NCOR1: variants seen among roughly 807,000 people sequenced by gnomAD.
NCOR1 encodes the protein nuclear receptor corepressor 1.
A neutral mutation model predicts 288.1 loss-of-function variants in NCOR1; 63 were observed. The ratio of observed to expected loss-of-function variants is 0.22; its 90% CI spans 0.18 to 0.27. The LOEUF (loss-of-function observed/expected upper bound fraction) is 0.27. Among genes scored for constraint, NCOR1 ranks in the 10% least tolerant of loss-of-function variants. The probability of loss-of-function intolerance (pLI) is 1.00; values close to 1 mark genes in which losing one functional copy is unlikely to be tolerated. For missense variants in NCOR1, 2,397 were observed against 3,019.2 expected, an observed-to-expected ratio of 0.79 and a Z score of 4.83; for synonymous variants, 1,007 against 1,065.9, an observed-to-expected ratio of 0.94 and a Z score of 1.08.
rs375656232 is a variant in NCOR1 at position 16,073,516 on chromosome 17, T to C, written c.3724A>G (p.Ser1242Gly). Reference protein sequence around the residue: ...TRSPRTAHEISLKRSYESVEG... With the variant: ...TRSPRTAHEIGLKRSYESVEG... ...ACTGATTCATAGCTTCTCTTTAAAC[T>C]GATTTCATGAGCTGTTCTTGGACTC... is the stretch of plus-strand genomic sequence containing the variant. The change falls in exon 28 of 46, where the codon AGT (serine) becomes GGT (glycine). Residue 1242 changes from serine (S) to glycine (G), a missense_variant. Ser to Gly is a moderately conservative substitution (Grantham distance 56, BLOSUM62 0). Transcript: ENST00000268712. The C allele has an allele frequency of 2.4e-5, 39 of 1,612,132 alleles. No individual in the cohort carries two copies. Among genetic ancestry groups the C allele is most frequent in the Non-Finnish European group, 2.5e-6 (3 of 1,179,128 alleles).
intron 2 of NCOR1, among the ~76,000 whole-genome samples, chr17:16,187,350 C>A (rs2086877492): frequency 2.0e-5 from 3 of 151,830 alleles, no homozygotes; most frequent in African/African-American, 7.2e-5. Context: ...AAACCACACA[C>A]AAAACCTAGT....
intron 22 of NCOR1, chr17:16,087,181 C>A (rs1567925067): frequency 7.7e-7 from 1 of 1,303,852 alleles, no homozygotes; most frequent in African/African-American, 1.5e-5. Context: ...CCTGGCGGGA[C>A]ACTATAGCGG....
intron 17 of NCOR1, among the ~76,000 whole-genome samples, chr17:16,118,272 C>T (rs1007865252): frequency 1.3e-5 from 2 of 152,152 alleles, no homozygotes; most frequent in African/African-American, 4.8e-5. Flanking sequence ...AAACCTTGTC[C>T]TTCCTATGTA....
At chr17:16,070,734 T>C (rs1445417691) in intron 30 of NCOR1, among the ~76,000 whole-genome samples, 1 of 152,110 alleles carries the variant, frequency 6.6e-6, no homozygotes, top group East Asian at 1.9e-4. Context: ...AACCTGATGA[T>C]AAGAAGTACA....
intron 1 of NCOR1, among the ~76,000 whole-genome samples, chr17:16,205,937 C>CAAA (rs199837579): frequency 1.5e-5 from 1 of 67,776 alleles, no homozygotes. Flanking sequence ...TACTCCGTCT[C>CAAA]AAAAAAAAAA....
intron 17 of NCOR1, 82 bp downstream of exon 17, chr17:16,119,341 A>G (rs2072492081): frequency 2.0e-6 from 2 of 1,016,732 alleles, no homozygotes; most frequent in Non-Finnish European, 3.0e-6. Context: ...TCCAATTAAA[A>G]CAATTAGTTC....
intron 11 of NCOR1, 122 bp downstream of exon 11, chr17:16,143,484 C>G: frequency 1.5e-6 from 1 of 668,818 alleles, no homozygotes; most frequent in Non-Finnish European, 2.5e-6. Flanking sequence ...AAATCTTTGA[C>G]AGTCTAAACT....
chr17:16,155,275 C>A (rs916228665), intron 6 of NCOR1, among the ~76,000 whole-genome samples: 4 of 150,466 alleles, frequency 2.7e-5, no homozygotes, highest in South Asian at 4.2e-4. Context: ...CACTTGAACC[C>A]GGGAGGTGGA....
At chr17:16,078,704 T>C (rs1432078533) in intron 26 of NCOR1, among the ~76,000 whole-genome samples, 2 of 151,958 alleles carry the variant, frequency 1.3e-5, no homozygotes, top group Non-Finnish European at 2.9e-5. Flanking sequence ...GCCTCCTGAG[T>C]AGCTGGGATT....
chr17:16,202,138 C>T (rs572327785), intron 1 of NCOR1, among the ~76,000 whole-genome samples: 86 of 151,160 alleles, frequency 5.7e-4, no homozygotes, highest in South Asian at 1.7e-3. Context: ...GCAGGAGAAT[C>T]GCTTGAACCC....
intron 1 of NCOR1, among the ~76,000 whole-genome samples, chr17:16,202,635 C>G (rs935109229): frequency 2.6e-5 from 4 of 152,094 alleles, no homozygotes; most frequent in African/African-American, 7.2e-5. Flanking sequence ...TTGGTGTGTG[C>G]GTGAGCTCAC....
intron 22 of NCOR1, 91 bp downstream of exon 22, chr17:16,091,772 G>A: frequency 6.3e-7 from 1 of 1,587,194 alleles, no homozygotes; most frequent in Non-Finnish European, 8.6e-7. Context: ...TTGGGAGGCT[G>A]ACAACTTACA....
intron 23 of NCOR1, among the ~76,000 whole-genome samples, chr17:16,082,749 A>G (rs2063589693): frequency 1.3e-5 from 2 of 151,318 alleles, no homozygotes; most frequent in African/African-American, 4.9e-5. Flanking sequence ...AAGAAAGTAC[A>G]AGAATGATAC....
At chr17:16,078,640 A>G (rs1387426536) in intron 26 of NCOR1, among the ~76,000 whole-genome samples, 1 of 152,020 alleles carries the variant, frequency 6.6e-6, no homozygotes, top group Non-Finnish European at 1.5e-5. Flanking sequence ...CAGTGGCACA[A>G]TCTCAGCTCA....
At chr17:16,062,944 C>G (rs1404038289) in intron 35 of NCOR1, among the ~76,000 whole-genome samples, 3 of 152,202 alleles carry the variant, frequency 2.0e-5, no homozygotes, top group Non-Finnish European at 4.4e-5. Flanking sequence ...AGAACTACTT[C>G]ACGCAGAGGA....
intron 7 of NCOR1, 131 bp from the exon 8 acceptor site, chr17:16,152,129 C>A: frequency 1.8e-6 from 1 of 541,584 alleles, no homozygotes; most frequent in South Asian, 3.5e-5. Flanking sequence ...CCTACCAAAA[C>A]CTCCAAACTT....
At position 16,058,494 on chromosome 17, in the gene NCOR1, A is replaced by G; in HGVS notation, c.5987T>C (p.Val1996Ala). The G allele has an allele frequency of 6.2e-7, 1 of 1,613,642 alleles. No homozygotes were observed. Among genetic ancestry groups the G allele is most frequent in the South Asian group, 1.1e-5 (1 of 91,068 alleles). Residue 1996 changes from valine (V) to alanine (A), a missense_variant, in exon 38 of 46, where the codon GTT becomes GCT. Physicochemically the swap from Val to Ala is moderately conservative, Grantham distance 64. Around this residue, in one of 11 missense-constraint regions of NCOR1, gnomAD observed 1,872 missense variants for 2,187.8 expected, o/e 0.86. Coordinates refer to ENST00000268712, the MANE Select transcript of NCOR1 (RefSeq NM_006311.4). ...ACTTTCCGCTTGATTTGCCTTAACAACCTCTGGCTGATAGGTCTGCAGTTT... is the reference window on the plus strand; with the variant it reads ...ACTTTCCGCTTGATTTGCCTTAACAGCCTCTGGCTGATAGGTCTGCAGTTT... ...QEKLQTYQPEVVKANQAENDP... is the reference protein window; with the variant it reads ...QEKLQTYQPEAVKANQAENDP...
chr17:16,061,751 T>C lies in NCOR1; in HGVS notation c.5531A>G (p.His1844Arg). The C allele has an allele frequency of 6.2e-7, 1 of 1,614,262 alleles. No individual in the cohort carries two copies. The highest frequency in any genetic ancestry group is 8.5e-7 in the Non-Finnish European group (1 of 1,180,054). The stretch of plus-strand genomic sequence containing the variant: ...ATTTTCTTCTAACCTGGCAGCTTCA[T>C]GCTTACTCTCTTTTGTTTTGGACAC... Reference protein sequence around the residue: ...MDVSKTKESKHEAARLEENLR... With the variant: ...MDVSKTKESKREAARLEENLR... Residue 1844 changes from histidine to arginine, a missense_variant, in exon 37 of 46, where the codon CAT (histidine) becomes CGT (arginine). His to Arg is a conservative substitution (Grantham distance 29). Around this residue, in one of 11 missense-constraint regions of NCOR1, gnomAD observed 1,872 missense variants for 2,187.8 expected, o/e 0.86. Coordinates refer to ENST00000268712, the MANE Select transcript of NCOR1 (RefSeq NM_006311.4).
At chr17:16,071,330 A>G in intron 30 of NCOR1, 79 bp downstream of exon 30, 2 of 1,529,042 alleles carry the variant, frequency 1.3e-6, no homozygotes, top group Non-Finnish European at 1.8e-6. Flanking sequence ...CATAAGAACC[A>G]CTTATAATTA....
Sources: gnomAD v4.1 joint callset for allele counts (sites outside exome capture counted in the v4.1 genomes callset) on GRCh38, gnomAD v4.1.1 for gene constraint, gnomAD v4.1.1 regional missense constraint, MANE v1.5 for transcripts, NCBI Gene and HGNC (gene_info 2026-07-23, HGNC 2026-07-21) for gene names.